Variants in METTL25 observed in about 807,000 individuals in gnomAD.
METTL25 encodes methyltransferase like 25, also known as probable methyltransferase-like protein 25.
In METTL25, 64 loss-of-function variants were observed where a neutral mutation model predicts 71.6. The observed-to-expected ratio is 0.89, with a 90% CI of 0.73 to 1.10. METTL25 has a LOEUF of 1.10. Ranked by LOEUF, METTL25 falls within the 50% of genes least tolerant of loss-of-function variation. The pLI is 0.00. For missense variants in METTL25, 807 were observed against 707.0 expected (o/e 1.14, Z -1.60); for synonymous variants, 287 against 250.3 (o/e 1.15, Z -1.38).
At chr12:82,384,722 G>A (rs974296692) in intron 1 of METTL25, among the ~76,000 whole-genome samples, 8 of 151,996 alleles carry the variant, frequency 5.3e-5, no homozygotes, top group African/African-American at 1.9e-4. Context: ...ATTCATGTTG[G>A]ATTGGATTTT....
intron 3 of METTL25, among the ~76,000 whole-genome samples, chr12:82,398,425 G>A (rs965636338): frequency 5.9e-5 from 9 of 151,484 alleles, no homozygotes; most frequent in African/African-American, 9.7e-5. Context: ...CTGATGATTC[G>A]TTGTTAATTC....
chr12:82,434,548 ATAT>A lies in METTL25; in HGVS notation c.1375-144_1375-142del, dbSNP rs1889768661. ...GCATATTAGTTAACATTCTTTAATG[ATAT>A]TAACACTGTTAAGTGCATAAACTTA... On this transcript the variant is annotated intron_variant, in intron 6 of 11. Coordinates refer to ENST00000248306, the MANE Select transcript of METTL25 (RefSeq NM_032230.3). The A allele has an allele frequency of 4.9e-6, 3 of 611,316 alleles. No homozygotes were observed. The East Asian group carries it at 8.5e-5, about 17-fold the overall frequency. 37.9% of individuals were successfully genotyped at this position (611,316 alleles called of 1,614,324 possible). A position where few individuals can be genotyped will look rare whatever the true frequency, so the allele number is the denominator to read the frequency against.
intron 1 of METTL25, among the ~76,000 whole-genome samples, chr12:82,371,877 C>T (rs1368171006): frequency 1.3e-5 from 2 of 152,124 alleles, no homozygotes; most frequent in African/African-American, 4.8e-5. Context: ...TTTCCTAATT[C>T]TCCTTAGTCC....
At chr12:82,461,936 C>CTTATATATTG (rs1254261149) in intron 9 of METTL25, among the ~76,000 whole-genome samples, 1 of 152,218 alleles carries the variant, frequency 6.6e-6, no homozygotes, top group Non-Finnish European at 1.5e-5. Context: ...TTGTCTCCCA[C>CTTATATATTG]TCTAGTTTCT....
At chr12:82,359,053 A>C in intron 1 of METTL25, 1 of 598,188 alleles carries the variant, frequency 1.7e-6, no homozygotes, top group Non-Finnish European at 3.0e-6. Context: ...CAATTTAAAG[A>C]AAGCAGGAAA....
At chr12:82,427,569 G>A (rs1889132568) in intron 5 of METTL25, among the ~76,000 whole-genome samples, 1 of 151,872 alleles carries the variant, frequency 6.6e-6, no homozygotes, top group African/African-American at 2.4e-5. Flanking sequence ...ATATCCCACT[G>A]GAAGCTCAGT....
chr12:82,405,200 A>G (rs1031905195), intron 5 of METTL25, among the ~76,000 whole-genome samples: 3 of 152,112 alleles, frequency 2.0e-5, no homozygotes, highest in East Asian at 1.9e-4. Context: ...GATGAACCCT[A>G]TCCTTTTTGG....
chr12:82,438,621 G>A lies in METTL25; in HGVS notation c.1405-97G>A, dbSNP rs539563152. 7.9e-6 allele frequency: 5 copies of A among 632,878 alleles called. No individual in the cohort carries two copies. The East Asian group carries it at 1.3e-4, about 17-fold the overall frequency. The allele number at this position is 632,878 out of a possible 1,614,324, so 39.2% of individuals were successfully genotyped here. A position where few individuals can be genotyped will look rare whatever the true frequency, so the allele number is the denominator to read the frequency against. Reference sequence around the variant, plus strand: ...GTCATCCTCTGTGTTTAGCAACAAAGGTTTCTGACAGTCACGTGTGGTTCC... The same window carrying A: ...GTCATCCTCTGTGTTTAGCAACAAAAGTTTCTGACAGTCACGTGTGGTTCC... On this transcript the variant is annotated intron_variant, in intron 7 of 11. Transcript: ENST00000248306.
chr12:82,428,650 A>C (rs1889237402), intron 5 of METTL25, among the ~76,000 whole-genome samples: 1 of 151,830 alleles, frequency 6.6e-6, no homozygotes, highest in African/African-American at 2.4e-5. Context: ...GTTAATGTAC[A>C]TTTATATAGC....
At chr12:82,420,630 A>G (rs1447072695) in intron 5 of METTL25, among the ~76,000 whole-genome samples, 1 of 152,144 alleles carries the variant, frequency 6.6e-6, no homozygotes, top group African/African-American at 2.4e-5. Context: ...TGACTGGCCC[A>G]TATTAAGTAC....
intron 6 of METTL25, among the ~76,000 whole-genome samples, chr12:82,434,409 G>C (rs1889757531): frequency 1.3e-5 from 2 of 151,274 alleles, no homozygotes. Flanking sequence ...TTTCTTTCCT[G>C]TTTTCTAATT....
intron 1 of METTL25, chr12:82,369,498 T>C (rs1404610347): frequency 1.3e-5 from 6 of 448,046 alleles, no homozygotes; most frequent in African/African-American, 1.2e-4. Context: ...GTGTCCAGAG[T>C]TTCTTCCTTC....
intron 8 of METTL25, among the ~76,000 whole-genome samples, chr12:82,442,332 A>G (rs887295539): frequency 1.3e-5 from 2 of 152,170 alleles, no homozygotes; most frequent in African/African-American, 4.8e-5. Flanking sequence ...AACTACCCAG[A>G]TGTCCTTCAG....
intron 1 of METTL25, chr12:82,374,148 C>T (rs946642419): frequency 6.1e-6 from 1 of 165,116 alleles, no homozygotes; most frequent in Non-Finnish European, 1.3e-5. Context: ...TTTCTTCCTT[C>T]TGGTGGGTTC....
At chr12:82,446,137 G>A (rs770785714) in intron 8 of METTL25, among the ~76,000 whole-genome samples, 4 of 152,154 alleles carry the variant, frequency 2.6e-5, no homozygotes, top group Non-Finnish European at 4.4e-5. Context: ...AATTGTAAAT[G>A]TATGTGCACC....
At chr12:82,398,602 C>G (rs1592650321) in intron 3 of METTL25, among the ~76,000 whole-genome samples, 193 bp from the exon 4 acceptor site, 1 of 151,786 alleles carries the variant, frequency 6.6e-6, no homozygotes, top group East Asian at 1.9e-4. Context: ...TTTTCATTGA[C>G]TTATTAAACT....
intron 8 of METTL25, among the ~76,000 whole-genome samples, chr12:82,448,943 C>T (rs1288260619): frequency 6.6e-6 from 1 of 152,108 alleles, no homozygotes; most frequent in African/African-American, 2.4e-5. Context: ...ACAATCTGTC[C>T]TGCATGTGTT....
chr12:82,399,404 C>T lies in METTL25; in HGVS notation c.1131+10C>T, dbSNP rs1228212730. ...TATTAAAGATTTGGAGGTGACTTTA[C>T]CTTTGAATTATTTAATTTGATTTAC... On this transcript the variant is annotated intron_variant, in intron 4 of 11. Transcript: ENST00000248306. 1.3e-6 allele frequency: 2 copies of T among 1,539,652 alleles called. No individual in the cohort carries two copies. The highest frequency in any genetic ancestry group is 1.7e-6 in the Non-Finnish European group (2 of 1,147,166).
chr12:82,369,221 C>G (rs76086374), intron 1 of METTL25, among the ~76,000 whole-genome samples: 8,828 of 152,252 alleles, frequency 0.058, 351 homozygotes, highest in African/African-American at 0.11. Flanking sequence ...TTATTTTATT[C>G]ATAGCTTCAT....
Sources: allele counts gnomAD v4.1 joint callset (sites outside exome capture counted in the v4.1 genomes callset), GRCh38; gene constraint gnomAD v4.1.1; transcripts MANE v1.5; gene names NCBI Gene and HGNC (gene_info 2026-07-23, HGNC 2026-07-21).